LGI4: variants seen among roughly 807,000 people sequenced by gnomAD.
LGI4 encodes the protein leucine-rich repeat LGI family member 4.
Under a neutral mutation model 48.3 loss-of-function variants are expected in LGI4, and 36 were observed. That is an observed-to-expected ratio of 0.75 (90% CI 0.57 to 0.98). LGI4 has a LOEUF of 0.98. LGI4 is among the 50% of genes least tolerant of loss of function. The pLI, the probability that LGI4 is intolerant of heterozygous loss-of-function variation, is 0.00. For synonymous variants in LGI4, 355 were observed against 331.6 expected (o/e 1.07, Z -0.77); for missense variants, 701 against 732.1 (o/e 0.96, Z 0.49).
intron 3 of LGI4, chr19:35,133,448 GAAGCAGAGAA>G: frequency 7.4e-7 from 1 of 1,343,576 alleles, no homozygotes; most frequent in Non-Finnish European, 9.5e-7. Context: ...TGTAGATCTT[GAAGCAGAGAA>G]GTGAGGTGAT....
intron 6 of LGI4, among the ~76,000 whole-genome samples, chr19:35,128,728 A>G (rs751671794): frequency 5.3e-5 from 8 of 152,054 alleles, no homozygotes; most frequent in Non-Finnish European, 8.8e-5. Flanking sequence ...ACAAACAAAC[A>G]TACAAAAAAC....
At chr19:35,132,457 G>A (rs1459952741) in intron 3 of LGI4, among the ~76,000 whole-genome samples, 1 of 149,916 alleles carries the variant, frequency 6.7e-6, no homozygotes, top group African/African-American at 2.5e-5. Flanking sequence ...ACCACCACCA[G>A]TGCTAGCACC....
chr19:35,134,707 G>T lies in LGI4; in HGVS notation c.-27C>A. The T allele has an allele frequency of 1.1e-6, 1 of 927,074 alleles. No homozygotes were observed. The allele number at this position is 927,074 out of a possible 1,614,324, so 57.4% of individuals were successfully genotyped here. ...CCCCCACCCCCACTCTGAGGCACCC[G>T]CTTCTCCCGGCCCACCCAGCTCAGC... On this transcript the variant is annotated 5_prime_UTR_variant, in exon 1 of 9. Transcript: ENST00000310123.
Position 35,125,177 on chromosome 19 carries a change from A to G in LGI4, c.*16T>C. ...GTCCAGGGGCCCCAGCCATGCCCAGAGTCCCGTTGGTGGTCTCAGGCACTG... is the reference window on the plus strand; with the variant it reads ...GTCCAGGGGCCCCAGCCATGCCCAGGGTCCCGTTGGTGGTCTCAGGCACTG... On this transcript the variant is annotated 3_prime_UTR_variant, in exon 9 of 9. Transcript: ENST00000310123. 1 of 1,508,808 alleles carries G rather than the reference A, an allele frequency of 6.6e-7. No individual in the cohort carries two copies. Among genetic ancestry groups the G allele is most frequent in the Non-Finnish European group, 8.9e-7 (1 of 1,126,738 alleles). The allele number at this position is 1,508,808 out of a possible 1,614,324, so 93.5% of individuals were successfully genotyped here. A position where few individuals can be genotyped will look rare whatever the true frequency, so the allele number is the denominator to read the frequency against.
chr19:35,134,738 C>T lies in LGI4; in HGVS notation c.-58G>A. 2 of 937,324 alleles carry T rather than the reference C, an allele frequency of 2.1e-6. No individual in the cohort carries two copies. Among genetic ancestry groups the T allele is most frequent in the East Asian group, 5.4e-5 (2 of 36,750 alleles). The allele number at this position is 937,324 out of a possible 1,614,324, so 58.1% of individuals were successfully genotyped here. A position where few individuals can be genotyped will look rare whatever the true frequency, so the allele number is the denominator to read the frequency against. ...CCCGGCCCACCCAGCTCAGCCCAGGCCACTACGTCTCCTCCTCCACCAGGC... is the reference window on the plus strand; with the variant it reads ...CCCGGCCCACCCAGCTCAGCCCAGGTCACTACGTCTCCTCCTCCACCAGGC... On this transcript the variant is annotated 5_prime_UTR_variant, in exon 1 of 9. Transcript: ENST00000310123.
At chr19:35,128,430 C>T (rs558385618) in intron 6 of LGI4, among the ~76,000 whole-genome samples, 9 of 152,320 alleles carry the variant, frequency 5.9e-5, no homozygotes, top group East Asian at 1.9e-4. Context: ...AACTCTCAGC[C>T]GAGAGTGGTG....
chr19:35,126,740 C>T lies in LGI4; in HGVS notation c.829G>A (p.Gly277Ser). 6.5e-7 allele frequency: 1 copy of T among 1,541,828 alleles called. No homozygotes were observed. The highest frequency in any genetic ancestry group is 8.7e-7 in the Non-Finnish European group (1 of 1,148,666). The change falls in exon 8 of 9, where the codon GGC (glycine) becomes AGC (serine). Residue 277 changes from glycine (G) to serine (S), a missense_variant. Physicochemically the swap from Gly to Ser is moderately conservative, Grantham distance 56. Transcript: ENST00000310123. ...SVVSCKPLVL[G>S]PSLFVLAARL... ...GCAGCCAGCACGAAGAGGCTCGGGCCCAGCACCAGTGGCTTGCAGGACACC... is the reference window on the plus strand; with the variant it reads ...GCAGCCAGCACGAAGAGGCTCGGGCTCAGCACCAGTGGCTTGCAGGACACC...
In LGI4 at chr19:35,131,468, G is replaced by A. The variant is rs1022748502; in HGVS notation, c.546C>T (p.Thr182=). The part of the protein sequence containing the change: ...WMPTVNASVG[T]GACAGPASLS... Reference sequence around the variant, plus strand: ...GGGAGGCGGGGCCCGCACAGGCGCCGGTCCCCACGCTGGCATTCACGGTGG... The same window carrying A: ...GGGAGGCGGGGCCCGCACAGGCGCCAGTCCCCACGCTGGCATTCACGGTGG... Residue 182 remains threonine (T), a synonymous_variant, in exon 6 of 9, where the codon ACC becomes ACT. Transcript: ENST00000310123. 25 of 1,551,288 alleles carry A rather than the reference G, an allele frequency of 1.6e-5. No homozygotes were observed. Among genetic ancestry groups the A allele is most frequent in the African/African-American group, 5.5e-5 (4 of 73,062 alleles).
At position 35,126,790 on chromosome 19, in the gene LGI4, G is replaced by A. The variant is rs756145620; in HGVS notation, c.794-15C>T. 6.4e-7 allele frequency: 1 copy of A among 1,570,510 alleles called. No homozygotes were observed. Among genetic ancestry groups the A allele is most frequent in the East Asian group, 2.3e-5 (1 of 42,688 alleles). On this transcript the variant is annotated splice_polypyrimidine_tract_variant and intron_variant, in intron 7 of 8. Transcript: ENST00000310123. ...CACGGAGGCCGCTGTGGGGAGGTGG[G>A]GAGGCAGGTCAGGCCAGCCAGGCAG...
Position 35,134,798 on chromosome 19 carries a change from G to C in LGI4, c.-118C>G. The stretch of plus-strand genomic sequence containing the variant: ...TCCGCCTGCTGGCACGCTCGGCCCT[G>C]GCTTCTCTCTCCTCTTCTCCGTCTT... On this transcript the variant is annotated 5_prime_UTR_variant, in exon 1 of 9. Transcript: ENST00000310123. 1 of 588,448 alleles carries C rather than the reference G, an allele frequency of 1.7e-6. No individual in the cohort carries two copies. Among genetic ancestry groups the C allele is most frequent in the Non-Finnish European group, 3.0e-6 (1 of 336,608 alleles). 36.5% of individuals were successfully genotyped at this position (588,448 alleles called of 1,614,324 possible).
At chr19:35,134,005 G>T in intron 2 of LGI4, 28 bp downstream of exon 2, 1 of 1,551,224 alleles carries the variant, frequency 6.4e-7, no homozygotes, top group South Asian at 1.2e-5. Context: ...CCTTGAGCTG[G>T]TTGTCGGCCC....
In LGI4 at chr19:35,134,537, G is replaced by A. The variant is rs1271333075; in HGVS notation, c.144C>T (p.Val48=). ...GTGACAGCAGGGTCGGAGAGAAGCTGACGGGCAGGTCCGGGGAGCCCTCAC... is the reference window on the plus strand; with the variant it reads ...GTGACAGCAGGGTCGGAGAGAAGCTAACGGGCAGGTCCGGGGAGCCCTCAC... ...ALCEGSPDLP[V]SFSPTLLSLS... Residue 48 remains valine, a synonymous_variant, in exon 1 of 9, where the codon GTC becomes GTT. Coordinates refer to ENST00000310123, the MANE Select transcript of LGI4 (RefSeq NM_139284.3). 8.8e-6 allele frequency: 14 copies of A among 1,585,704 alleles called. No individual in the cohort carries two copies. Among genetic ancestry groups the A allele is most frequent in the Non-Finnish European group, 1.2e-5 (14 of 1,166,632 alleles).
rs1275276846 is a variant in LGI4, at chr19:35,126,511, TA to T, written c.1057del (p.Tyr353ThrfsTer117). Reference protein sequence around the residue: ...TLLCRDGPGFYPHQSLHAWHR... With the variant: ...TLLCRDGPGFXPHQSLHAWHR... ...CCAGGCGTGCAGGCTCTGGTGCGGG[TA>T]AAAGCCGGGCCCGTCGCGGCACAGC... is the stretch of plus-strand genomic sequence containing the variant. On this transcript the variant is annotated frameshift_variant, in exon 8 of 9. Transcript: ENST00000310123. LOFTEE classifies it high-confidence loss of function. The T allele has an allele frequency of 6.5e-7, 1 of 1,549,854 alleles. No individual in the cohort carries two copies. The highest frequency in any genetic ancestry group is 8.7e-7 in the Non-Finnish European group (1 of 1,152,316).
chr19:35,130,447 G>A (rs2065167289), intron 6 of LGI4, among the ~76,000 whole-genome samples: 1 of 152,144 alleles, frequency 6.6e-6, no homozygotes. Context: ...CACTTTGGGA[G>A]GCTGAGGTAG....
intron 6 of LGI4, 95 bp from the exon 7 acceptor site, chr19:35,127,112 T>C: frequency 7.9e-7 from 1 of 1,272,208 alleles, no homozygotes; most frequent in Non-Finnish European, 1.1e-6. Flanking sequence ...TGGAGGCCAT[T>C]CATGGTACCC....
chr19:35,127,139 T>C (rs2065146202), intron 6 of LGI4, 122 bp from the exon 7 acceptor site: 1 of 1,013,242 alleles, frequency 9.9e-7, no homozygotes. Flanking sequence ...TAGGGACATA[T>C]AACTGGAATC....
In LGI4 at chr19:35,133,740, G is replaced by A. The variant is rs898527359; in HGVS notation, c.267C>T (p.Ser89=). Residue 89 remains serine (S), a synonymous_variant, in exon 3 of 9, where the codon TCC becomes TCT. Coordinates refer to ENST00000310123, the MANE Select transcript of LGI4 (RefSeq NM_139284.3). ...CCGCAAATGCATCGTCCTCAATCACGGAGAAGGAGTTGGAGGTGAAGAGGC... is the reference window on the plus strand; with the variant it reads ...CCGCAAATGCATCGTCCTCAATCACAGAGAAGGAGTTGGAGGTGAAGAGGC... The part of the protein sequence containing the change: ...HLLLFTSNSF[S]VIEDDAFAGL... 2.6e-5 allele frequency: 42 copies of A among 1,609,342 alleles called. No individual in the cohort carries two copies. The highest frequency in any genetic ancestry group is 5.0e-5 in the Admixed American group (3 of 59,416).
rs3803923 is a variant in LGI4 at position 35,127,954 on chromosome 19, C to T, written c.629-937G>A. Among the ~76,000 whole-genome samples the T allele has an allele frequency of 1.3e-3, 201 of 152,330 alleles. 3 individuals are homozygous for T. The South Asian group carries it at 0.033, about 25-fold the overall frequency. On this transcript the variant is annotated intron_variant, in intron 6 of 8. Coordinates refer to ENST00000310123, the MANE Select transcript of LGI4 (RefSeq NM_139284.3). Reference sequence around the variant, plus strand: ...TTATCCCGGGACCCCCATTCACCGCCCTCGCTGAAAGTTAGATGTGGCTGT... The same window carrying T: ...TTATCCCGGGACCCCCATTCACCGCTCTCGCTGAAAGTTAGATGTGGCTGT...
chr19:35,131,419 G>A lies in LGI4; in HGVS notation c.595C>T (p.Leu199Phe), dbSNP rs1444276712. ...CTGCACTTGAAAGTCTTGGGGTCGA[G>A]GTGGTGGAGCTGCATGTGGCTCAGG... ...ASLSHMQLHH[L>F]DPKTFKCRAI... is the part of the protein sequence containing the mutation. Residue 199 changes from leucine to phenylalanine, a missense_variant, in exon 6 of 9, where the codon CTC becomes TTC. Leu to Phe is a conservative substitution (Grantham distance 22). Coordinates refer to ENST00000310123, the MANE Select transcript of LGI4 (RefSeq NM_139284.3). The A allele has an allele frequency of 1.3e-6, 2 of 1,552,326 alleles. No individual in the cohort carries two copies. The highest frequency in any genetic ancestry group is 2.4e-5 in the South Asian group (2 of 84,082).
Sources: gnomAD v4.1 joint callset for allele counts (sites outside exome capture counted in the v4.1 genomes callset) on GRCh38, gnomAD v4.1.1 for gene constraint, MANE v1.5 for transcripts, NCBI Gene and HGNC (gene_info 2026-07-23, HGNC 2026-07-21) for gene names.